The following ADPRHL1 variants were observed in gnomAD, a reference collection of about 807,000 sequenced individuals.
ADPRHL1 encodes the protein inactive ADP-ribosyltransferase ARH2.
Under a neutral mutation model 44.1 loss-of-function variants are expected in ADPRHL1, and 43 were observed. The observed-to-expected ratio is 0.98, with a 90% confidence interval of 0.76 to 1.26. The LOEUF (loss-of-function observed/expected upper bound fraction) is 1.26, where lower values mean the gene tolerates loss of function less well. Among genes scored for constraint, ADPRHL1 ranks in the 50% most tolerant of loss-of-function variants. The probability of loss-of-function intolerance (pLI) is 0.00; values close to 1 mark genes in which losing one functional copy is unlikely to be tolerated. For synonymous variants in ADPRHL1, 878 were observed against 1,017.4 expected, an observed-to-expected ratio of 0.86 and a Z score of 2.61; for missense variants, 2,022 against 2,496.9, an observed-to-expected ratio of 0.81 and a Z score of 4.05.
In ADPRHL1 at chr13:113,406,137, G is replaced by A. The variant is rs773953213; in HGVS notation, c.3145C>T (p.Arg1049Cys). The A allele has an allele frequency of 3.1e-5, 38 of 1,232,126 alleles. No individual in the cohort carries two copies. The highest frequency in any genetic ancestry group is 1.2e-4 in the South Asian group (3 of 24,324). 76.3% of individuals were successfully genotyped at this position (1,232,126 alleles called of 1,614,324 possible). The part of the protein sequence containing the change: ...PTSLAASSKG[R>C]TGPEGVTPMG... ...GGGGTGACACCCTCAGGCCCCGTAC[G>A]CCCCTTGGATGATGCCGCCAGTGAC... Residue 1049 changes from arginine (R) to cysteine (C), a missense_variant, in exon 8 of 8, where the codon CGT becomes TGT. Arg to Cys is a radical substitution (Grantham distance 180, BLOSUM62 -3). Transcript: ENST00000612156.
chr13:113,425,958 G>T (rs2043965531), intron 4 of ADPRHL1, among the ~76,000 whole-genome samples: 1 of 152,220 alleles, frequency 6.6e-6, no homozygotes, highest in African/African-American at 2.4e-5. Flanking sequence ...TGGGATTACA[G>T]GTGTGAGCCA....
Position 113,442,459 on chromosome 13 carries a change from C to T in ADPRHL1, c.379+1966G>A, listed in dbSNP as rs137905455. Among the ~76,000 whole-genome samples, 1,251 of 152,306 alleles carry T rather than the reference C, an allele frequency of 8.2e-3. 6 individuals carry two copies. The highest frequency in any genetic ancestry group is 0.012 in the Non-Finnish European group (812 of 68,024). On this transcript the variant is annotated intron_variant, in intron 2 of 7. Transcript: ENST00000612156. ...CTGGGTGACAGAGCAAGGCTCTGCA[C>T]TATCCCCAGAAAGAATGCTAGGTTG...
rs988311771 is a variant in ADPRHL1 at position 113,405,024 on chromosome 13, G to C, written c.4258C>G (p.Gln1420Glu). The C allele has an allele frequency of 8.1e-7, 1 of 1,232,896 alleles. No homozygotes were observed. Among genetic ancestry groups the C allele is most frequent in the Admixed American group, 4.2e-5 (1 of 23,736 alleles). The allele number at this position is 1,232,896 out of a possible 1,614,324, so 76.4% of individuals were successfully genotyped here. Residue 1420 changes from glutamine (Q) to glutamate (E), a missense_variant, in exon 8 of 8, where the codon CAG becomes GAG. This residue lies in a region of ADPRHL1 where 1,221 missense variants were observed against 1,517.8 expected (regional missense o/e 0.80). Transcript: ENST00000612156. ...PAKEPQTWWA[Q>E]DLAGDKGMAI... is the part of the protein sequence containing the mutation. Reference sequence around the variant, plus strand: ...ATCCCTTTGTCCCCGGCCAGATCCTGTGCCCACCATGTCTGAGGCTCTTTT... The same window carrying C: ...ATCCCTTTGTCCCCGGCCAGATCCTCTGCCCACCATGTCTGAGGCTCTTTT...
intron 2 of ADPRHL1, among the ~76,000 whole-genome samples, chr13:113,443,079 A>G (rs964022877): frequency 6.6e-6 from 1 of 152,216 alleles, no homozygotes; most frequent in Non-Finnish European, 1.5e-5. Flanking sequence ...TTTTGAACAC[A>G]TGGAGTATCT....
Position 113,402,577 on chromosome 13 carries a change from G to T in ADPRHL1, c.*801C>A. The T allele has an allele frequency of 6.5e-6, 1 of 152,732 alleles. No homozygotes were observed. The highest frequency in any genetic ancestry group is 1.5e-5 in the Non-Finnish European group (1 of 68,364). 9.5% of individuals were successfully genotyped at this position (152,732 alleles called of 1,614,324 possible). On this transcript the variant is annotated 3_prime_UTR_variant, in exon 8 of 8. Transcript: ENST00000612156. Reference sequence around the variant, plus strand: ...CCGGCACCAGTGGCACCACCCACAGGGACTGCAGGGAAGGGCGGGCAGGCT... The same window carrying T: ...CCGGCACCAGTGGCACCACCCACAGTGACTGCAGGGAAGGGCGGGCAGGCT...
chr13:113,453,205 C>T lies in ADPRHL1; in HGVS notation c.214+19G>A, dbSNP rs745589723. ...GTTCCCTCCAGCCCGCACACCGGAGCGCGGTGGGCCCAGCCTACCTGTGGT... is the reference window on the plus strand; with the variant it reads ...GTTCCCTCCAGCCCGCACACCGGAGTGCGGTGGGCCCAGCCTACCTGTGGT... On this transcript the variant is annotated intron_variant, in intron 1 of 7. Coordinates refer to ENST00000612156, the MANE Select transcript of ADPRHL1 (RefSeq NM_001394807.1). The surrounding 1 kb of genome is among the most constrained non-coding windows in gnomAD (Gnocchi z 5.4). 9 of 1,612,822 alleles carry T rather than the reference C, an allele frequency of 5.6e-6. No homozygotes were observed. Among genetic ancestry groups the T allele is most frequent in the African/African-American group, 1.3e-5 (1 of 75,010 alleles).
rs927814317 is a variant in ADPRHL1 at position 113,409,069 on chromosome 13, G to T, written c.1062-849C>A. ...GGAGCCACTGAGGCTGGGGGCTGCCGCCCTTTCCCAGTGAGATGTTTTTCT... is the reference window on the plus strand; with the variant it reads ...GGAGCCACTGAGGCTGGGGGCTGCCTCCCTTTCCCAGTGAGATGTTTTTCT... On this transcript the variant is annotated intron_variant, in intron 7 of 7. Coordinates refer to ENST00000612156, the MANE Select transcript of ADPRHL1 (RefSeq NM_001394807.1). This position sits in a 1 kb window ranked among gnomAD's most constrained non-coding sequence, Gnocchi z 4.2. Among the ~76,000 whole-genome samples the T allele has an allele frequency of 6.6e-6, 1 of 152,212 alleles. No homozygotes were observed. The highest frequency in any genetic ancestry group is 2.4e-5 in the African/African-American group (1 of 41,446).
rs575886604 is a variant in ADPRHL1, at chr13:113,406,000, C to A, written c.3282G>T (p.Glu1094Asp). 9.7e-6 allele frequency: 12 copies of A among 1,232,120 alleles called. No homozygotes were observed. In the East Asian group the frequency reaches 1.3e-4, roughly 13 times the overall value. The allele number at this position is 1,232,120 out of a possible 1,614,324, so 76.3% of individuals were successfully genotyped here. The change falls in exon 8 of 8, where the codon GAG becomes GAT. Residue 1094 changes from glutamate to aspartate, a missense_variant. Glu to Asp is a conservative substitution (Grantham distance 45, BLOSUM62 2). Around this residue, in one of 8 missense-constraint regions of ADPRHL1, gnomAD observed 1,221 missense variants for 1,517.8 expected, o/e 0.80. Transcript: ENST00000612156. Reference protein sequence around the residue: ...AEEITSHDVRENPLSSLNEPP... With the variant: ...AEEITSHDVRDNPLSSLNEPP... ...GTTCATTTAATGAGGACAGTGGGTT[C>A]TCGCGAACATCATGGCTGGTGATTT...
At chr13:113,410,086 CAT>C in intron 7 of ADPRHL1, 1 of 985,400 alleles carries the variant, frequency 1.0e-6, no homozygotes, top group Non-Finnish European at 1.2e-6. Context: ...CGGCTGACCA[CAT>C]GACCACGTAG....
Position 113,401,654 on chromosome 13 carries a change from G to A in ADPRHL1, c.*1724C>T, listed in dbSNP as rs2043762829. The A allele has an allele frequency of 6.6e-6, 1 of 152,422 alleles. No homozygotes were observed. The highest frequency in any genetic ancestry group is 2.1e-4 in the South Asian group (1 of 4,834). 9.4% of individuals were successfully genotyped at this position (152,422 alleles called of 1,614,324 possible). A position where few individuals can be genotyped will look rare whatever the true frequency, so the allele number is the denominator to read the frequency against. ...CGGGGGCCCTGTCGGGGGAGCTGTG[G>A]GGACCGGCCCCCCAGAGCTCAGCAC... is the stretch of plus-strand genomic sequence containing the variant. On this transcript the variant is annotated 3_prime_UTR_variant, in exon 8 of 8. Transcript: ENST00000612156. The surrounding 1 kb of genome is among the most constrained non-coding windows in gnomAD (Gnocchi z 5.5).
chr13:113,445,938 G>A (rs1415523356), intron 1 of ADPRHL1, among the ~76,000 whole-genome samples: 2 of 151,464 alleles, frequency 1.3e-5, no homozygotes, highest in South Asian at 2.1e-4. Flanking sequence ...GAGCACGCAC[G>A]TGTAGGGACC....
intron 2 of ADPRHL1, among the ~76,000 whole-genome samples, chr13:113,439,599 C>T (rs368179611): frequency 6.6e-6 from 1 of 152,034 alleles, no homozygotes; most frequent in African/African-American, 2.4e-5. Context: ...AGGTGCCCAC[C>T]ACCATGTCTG....
chr13:113,447,319 C>T (rs1416662763), intron 1 of ADPRHL1, among the ~76,000 whole-genome samples: 5 of 140,490 alleles, frequency 3.6e-5, no homozygotes, highest in Admixed American at 7.1e-5. Context: ...TCTACACGCA[C>T]GGTGTTGTGT....
At position 113,408,128 on chromosome 13, in the gene ADPRHL1, G is replaced by T; in HGVS notation, c.1154C>A (p.Ala385Asp). The T allele has an allele frequency of 8.1e-7, 1 of 1,232,036 alleles. No individual in the cohort carries two copies. The highest frequency in any genetic ancestry group is 1.0e-6 in the Non-Finnish European group (1 of 987,980). The allele number at this position is 1,232,036 out of a possible 1,614,324, so 76.3% of individuals were successfully genotyped here. Residue 385 changes from alanine (A) to aspartate (D), a missense_variant, in exon 8 of 8, where the codon GCC becomes GAC. Physicochemically the swap from Ala to Asp is moderately radical, Grantham distance 126. Transcript: ENST00000612156. ...KMGKLACDPAAHSILSSLLLY... is the reference protein window; with the variant it reads ...KMGKLACDPADHSILSSLLLY... ...CAGCAGGCTGCTGAGGATGGAGTGG[G>T]CGGCCGGGTCACAGGCCAGCTTGCC...
chr13:113,449,000 T>G, intron 1 of ADPRHL1: 1 of 986,300 alleles, frequency 1.0e-6, no homozygotes, highest in South Asian at 4.7e-5. Flanking sequence ...CACACACACC[T>G]GCTAAACGCT....
chr13:113,427,579 G>T (rs2043976252), intron 4 of ADPRHL1, among the ~76,000 whole-genome samples: 1 of 151,842 alleles, frequency 6.6e-6, no homozygotes, highest in Admixed American at 6.6e-5. Flanking sequence ...TGTTGTCCAG[G>T]CTGGAGTGCA....
Position 113,407,623 on chromosome 13 carries a change from C to T in ADPRHL1, c.1659G>A (p.Glu553=), listed in dbSNP as rs2139596353. The T allele has an allele frequency of 1.6e-6, 2 of 1,232,124 alleles. No homozygotes were observed. Among genetic ancestry groups the T allele is most frequent in the South Asian group, 8.2e-5 (2 of 24,328 alleles). The allele number at this position is 1,232,124 out of a possible 1,614,324, so 76.3% of individuals were successfully genotyped here. A position where few individuals can be genotyped will look rare whatever the true frequency, so the allele number is the denominator to read the frequency against. Residue 553 remains glutamate (E), a synonymous_variant, in exon 8 of 8, where the codon GAG becomes GAA. Transcript: ENST00000612156. ...ACAGGCAGCTGTTCTGCTCGAACTT[C>T]TCCCGCAGCTTGGACAGCACCGAGC... ...GKSSVLSKLR[E]KFEQNSCLCS... is the part of the protein sequence containing the mutation.
intron 1 of ADPRHL1, among the ~76,000 whole-genome samples, chr13:113,450,867 T>C (rs749950836): frequency 6.6e-6 from 1 of 151,814 alleles, no homozygotes. Flanking sequence ...GGCCTCCGGA[T>C]AACTGCGGGC....
chr13:113,422,594 G>T (rs1048928933), intron 7 of ADPRHL1: 1 of 588,632 alleles, frequency 1.7e-6, no homozygotes, highest in Admixed American at 3.1e-5. Context: ...GCAAATCTAC[G>T]CAGTGTCAAT....
Sources: gnomAD v4.1 joint callset for allele counts (sites outside exome capture counted in the v4.1 genomes callset) on GRCh38, gnomAD v4.1.1 for gene constraint, gnomAD v4.1.1 regional missense constraint, Gnocchi (gnomAD v3.1) non-coding constraint, MANE v1.5 for transcripts, NCBI Gene and HGNC (gene_info 2026-07-23, HGNC 2026-07-21) for gene names.